Variants in HP1BP3 observed in about 807,000 individuals in gnomAD.
HP1BP3 encodes heterochromatin protein 1 binding protein 3.
HP1BP3 carries 12 observed loss-of-function variants against 62.5 expected under a neutral mutation model. The observed-to-expected ratio is 0.19, with a 90% CI of 0.12 to 0.31. The LOEUF is 0.31. Among genes scored for constraint, HP1BP3 ranks in the 10% least tolerant of loss-of-function variants. The pLI is 1.00. For missense variants in HP1BP3, 502 were observed against 651.8 expected, an observed-to-expected ratio of 0.77 and a Z score of 2.50; for synonymous variants, 260 against 237.8, an observed-to-expected ratio of 1.09 and a Z score of -0.86.
chr1:20,773,779 A>G, intron 4 of HP1BP3, 169 bp from the exon 5 acceptor site: 1 of 454,170 alleles, frequency 2.2e-6, no homozygotes, highest in Non-Finnish European at 3.8e-6. Context: ...TTCTTTAAAA[A>G]CTGGGTACTA....
intron 7 of HP1BP3, among the ~76,000 whole-genome samples, chr1:20,766,994 C>T (rs923911597): frequency 4.0e-5 from 6 of 151,786 alleles, no homozygotes; most frequent in Non-Finnish European, 4.4e-5. Context: ...ACTCTTATAC[C>T]TCCTCTAGTT....
chr1:20,780,033 G>A (rs2057472825), intron 2 of HP1BP3, 122 bp from the exon 3 acceptor site: 2 of 693,930 alleles, frequency 2.9e-6, no homozygotes, highest in Admixed American at 3.1e-5. Flanking sequence ...AGGATCTGAT[G>A]CAAATTACTT....
chr1:20,762,551 A>T (rs1286245636), intron 8 of HP1BP3, among the ~76,000 whole-genome samples: 1 of 152,150 alleles, frequency 6.6e-6, no homozygotes, highest in East Asian at 1.9e-4. Context: ...TTGCAGACAA[A>T]CGACAGACAG....
At chr1:20,749,908 G>T in intron 9 of HP1BP3, 26 bp from the exon 10 acceptor site, 1 of 1,603,640 alleles carries the variant, frequency 6.2e-7, no homozygotes, top group Non-Finnish European at 8.5e-7. Flanking sequence ...GAAGAGAAAA[G>T]CATCAAGACA....
At chr1:20,786,321 G>A (rs1047409687) in intron 1 of HP1BP3, 1 of 152,318 alleles carries the variant, frequency 6.6e-6, no homozygotes, top group Non-Finnish European at 1.5e-5. Flanking sequence ...TTTCCCACCG[G>A]GGGAGCGAGA....
chr1:20,750,509 A>G (rs2055666367), intron 9 of HP1BP3, among the ~76,000 whole-genome samples: 1 of 152,090 alleles, frequency 6.6e-6, no homozygotes, highest in Non-Finnish European at 1.5e-5. Flanking sequence ...CCTCGGCGAC[A>G]GAGTAAGATT....
chr1:20,759,967 C>A (rs2056369020), intron 8 of HP1BP3, among the ~76,000 whole-genome samples: 1 of 148,692 alleles, frequency 6.7e-6, no homozygotes, highest in Non-Finnish European at 1.5e-5. Context: ...CGGCTCACTG[C>A]AACCTCTGCC....
intron 10 of HP1BP3, among the ~76,000 whole-genome samples, chr1:20,749,446 C>T (rs1570551455): frequency 6.6e-6 from 1 of 151,638 alleles, no homozygotes; most frequent in East Asian, 1.9e-4. Context: ...GCAACCTCCA[C>T]CTCCTGGGTT....
rs548340024 is a variant in HP1BP3, at chr1:20,786,882, C to T, written c.-101+313G>A. ...ACGCAGGCGCGCTGGGACGCAGGGT[C>T]GCACGGCCAGAGAAGAGCTCCCCCT... On this transcript the variant is annotated intron_variant, in intron 1 of 12. Transcript: ENST00000438032. Among the ~76,000 whole-genome samples, 7 of 152,174 alleles carry T rather than the reference C, an allele frequency of 4.6e-5. No individual in the cohort carries two copies. The East Asian group carries it at 1.4e-3, about 30-fold the overall frequency.
intron 8 of HP1BP3, among the ~76,000 whole-genome samples, chr1:20,765,175 T>TAAAA (rs4057761): frequency 1.2e-4 from 7 of 57,346 alleles, no homozygotes; most frequent in Non-Finnish European, 2.1e-4. Context: ...CTCAAAAAAC[T>TAAAA]AAAAAAAAAA....
intron 11 of HP1BP3, among the ~76,000 whole-genome samples, chr1:20,746,669 C>T (rs1423527163): frequency 6.6e-6 from 1 of 152,092 alleles, no homozygotes; most frequent in Non-Finnish European, 1.5e-5. Flanking sequence ...ATAAGTGTTC[C>T]TGTCTCTACA....
chr1:20,773,974 T>C (rs1452458301), intron 4 of HP1BP3: 1 of 157,476 alleles, frequency 6.4e-6, no homozygotes, highest in Non-Finnish European at 1.4e-5. Flanking sequence ...AGAAAACCTT[T>C]GTTTGTATTT....
chr1:20,774,927 T>C (rs1391209695), intron 4 of HP1BP3: 1 of 149,882 alleles, frequency 6.7e-6, no homozygotes, highest in African/African-American at 2.5e-5. Flanking sequence ...GAGGTTGCAG[T>C]GAGCCCAGAT....
intron 10 of HP1BP3, among the ~76,000 whole-genome samples, 186 bp downstream of exon 10, chr1:20,749,537 T>C (rs2055577848): frequency 6.6e-6 from 1 of 152,018 alleles, no homozygotes; most frequent in Non-Finnish European, 1.5e-5. Flanking sequence ...TTTTTTGTAT[T>C]TGTAGTAGAG....
At chr1:20,763,151 G>T (rs780038239) in intron 8 of HP1BP3, among the ~76,000 whole-genome samples, 1 of 152,090 alleles carries the variant, frequency 6.6e-6, no homozygotes, top group Non-Finnish European at 1.5e-5. Context: ...CACCATGATT[G>T]TAAGTTTCCT....
In HP1BP3 at chr1:20,779,851, G is replaced by C; in HGVS notation, c.157C>G (p.Pro53Ala). 2 of 1,613,454 alleles carry C rather than the reference G, an allele frequency of 1.2e-6. No homozygotes were observed. The highest frequency in any genetic ancestry group is 2.7e-5 in the African/African-American group (2 of 75,014). ...TCCCCTTCAGCAAGCTTGCTTTTGG[G>C]AGGAGTTTCCCGGGTAGAATTCACA... ...RTVNSTRETP[P>A]KSKLAEGEEE... The change falls in exon 3 of 13, where the codon CCC becomes GCC. Residue 53 changes from proline to alanine, a missense_variant. Pro to Ala is a conservative substitution (Grantham distance 27). This residue lies in a region of HP1BP3 where 165 missense variants were observed against 156.4 expected (regional missense o/e 1.05). Transcript: ENST00000438032.
chr1:20,749,096 T>C (rs1247322731), intron 10 of HP1BP3, among the ~76,000 whole-genome samples: 1 of 152,190 alleles, frequency 6.6e-6, no homozygotes, highest in African/African-American at 2.4e-5. Context: ...TTGGTGAACA[T>C]TCAAAAGTAG....
intron 6 of HP1BP3, 106 bp from the exon 7 acceptor site, chr1:20,767,770 T>G (rs1450940901): frequency 1.5e-6 from 1 of 672,590 alleles, no homozygotes. Flanking sequence ...GGTGTTTACT[T>G]CTTCAGAGAA....
Position 20,780,375 on chromosome 1 carries a change from A to AGCT in HP1BP3, c.63_65dup (p.Ala22dup). The AGCT allele has an allele frequency of 3.1e-6, 5 of 1,613,546 alleles. No individual in the cohort carries two copies. Among genetic ancestry groups the AGCT allele is most frequent in the Non-Finnish European group, 4.2e-6 (5 of 1,179,442 alleles). ...CTAACTTGTCCGCGTGGATCAGCTG[A>AGCT]GCTCCTACTATAAGTGGGAGTGCCT... is the stretch of plus-strand genomic sequence containing the variant. On this transcript the variant is annotated inframe_insertion, in exon 2 of 13. Coordinates refer to ENST00000438032, the MANE Select transcript of HP1BP3 (RefSeq NM_001372052.1).
Sources: gnomAD v4.1 joint callset for allele counts (sites outside exome capture counted in the v4.1 genomes callset) on GRCh38, gnomAD v4.1.1 for gene constraint, gnomAD v4.1.1 regional missense constraint, MANE v1.5 for transcripts, NCBI Gene and HGNC (gene_info 2026-07-23, HGNC 2026-07-21) for gene names.